The following DCAF17 variants were observed in gnomAD, a reference collection of about 807,000 sequenced individuals.
The protein encoded by DCAF17 is DDB1 and CUL4 associated factor 17, also known as DDB1- and CUL4-associated factor 17.
Under a neutral mutation model 66.0 loss-of-function variants are expected in DCAF17, and 48 were observed. The observed-to-expected ratio is 0.73, with a 90% CI of 0.58 to 0.92. The LOEUF (loss-of-function observed/expected upper bound fraction) is 0.92, where lower values mean the gene tolerates loss of function less well. Ranked by LOEUF, DCAF17 falls within the 40% of genes least tolerant of loss-of-function variation. DCAF17 has a pLI of 0.00. For synonymous variants in DCAF17, 206 were observed against 214.6 expected (o/e 0.96, Z 0.35); for missense variants, 562 against 622.8 (o/e 0.90, Z 1.04).
intron 10 of DCAF17, among the ~76,000 whole-genome samples, chr2:171,475,170 G>A (rs1318989311): frequency 6.6e-6 from 1 of 152,026 alleles, no homozygotes; most frequent in Non-Finnish European, 1.5e-5. Context: ...TCCCCTACCT[G>A]TTCTGCCTAA....
intron 8 of DCAF17, among the ~76,000 whole-genome samples, chr2:171,462,327 TA>T (rs1407769311): frequency 6.6e-6 from 1 of 152,130 alleles, no homozygotes; most frequent in Non-Finnish European, 1.5e-5. Flanking sequence ...AATCATACTG[TA>T]ATGGGGCAAT....
At chr2:171,477,899 A>AAGTTTTACCAAATTTGTTAATAC in intron 11 of DCAF17, 88 bp from the exon 12 acceptor site, 1 of 1,104,130 alleles carries the variant, frequency 9.1e-7, no homozygotes, top group South Asian at 1.3e-5. Context: ...AAGGGTTGGT[A>AAGTTTTACCAAATTTGTTAATAC]AGTTTTACCA....
At chr2:171,449,837 A>G in intron 4 of DCAF17, 42 bp from the exon 5 acceptor site, 1 of 1,510,306 alleles carries the variant, frequency 6.6e-7, no homozygotes, top group Non-Finnish European at 9.2e-7. Flanking sequence ...AGTATAAGGA[A>G]ACTGACCCAA....
rs1696798705 is a variant in DCAF17 at position 171,482,804 on chromosome 2, T to TG, written c.*1695dup. ...GCTGAATTCCTGGCTGCTTTTTTGCTGGGGGTAGATGGTGGAATACTTCTG... is the reference window on the plus strand; with the variant it reads ...GCTGAATTCCTGGCTGCTTTTTTGCTGGGGGGTAGATGGTGGAATACTTCTG... On this transcript the variant is annotated 3_prime_UTR_variant, in exon 14 of 14. Coordinates refer to ENST00000375255, the MANE Select transcript of DCAF17 (RefSeq NM_025000.4). 2 of 453,760 alleles carry TG rather than the reference T, an allele frequency of 4.4e-6. No homozygotes were observed. The highest frequency in any genetic ancestry group is 8.8e-6 in the Non-Finnish European group (2 of 226,742). The allele number at this position is 453,760 out of a possible 1,614,324, so 28.1% of individuals were successfully genotyped here.
rs749706689 is a variant in DCAF17 at position 171,435,204 on chromosome 2, A to T, written c.230+18A>T. 4 of 1,573,594 alleles carry T rather than the reference A, an allele frequency of 2.5e-6. No homozygotes were observed. Among genetic ancestry groups the T allele is most frequent in the Non-Finnish European group, 3.5e-6 (4 of 1,143,474 alleles). ...GTCAGCAGGTAACTTTTTATTGATAATTTTGCTGTAATTCACCTCACTGTT... is the reference window on the plus strand; with the variant it reads ...GTCAGCAGGTAACTTTTTATTGATATTTTTGCTGTAATTCACCTCACTGTT... On this transcript the variant is annotated intron_variant, in intron 2 of 13. Coordinates refer to ENST00000375255, the MANE Select transcript of DCAF17 (RefSeq NM_025000.4).
At position 171,449,943 on chromosome 2, in the gene DCAF17, G is replaced by A. The variant is rs1694852125; in HGVS notation, c.523G>A (p.Ala175Thr). The change falls in exon 5 of 14, where the codon GCA (alanine) becomes ACA (threonine). Residue 175 changes from alanine (A) to threonine (T), a missense_variant. Coordinates refer to ENST00000375255, the MANE Select transcript of DCAF17 (RefSeq NM_025000.4). Reference protein sequence around the residue: ...AVKSAQNRGSAVARQAGIQQH... With the variant: ...AVKSAQNRGSTVARQAGIQQH... ...TAAGTCAGCTCAGAACAGAGGCTCAGCAGTGGCCCGGCAGGTATACATATT... is the reference window on the plus strand; with the variant it reads ...TAAGTCAGCTCAGAACAGAGGCTCAACAGTGGCCCGGCAGGTATACATATT... 6.2e-7 allele frequency: 1 copy of A among 1,613,578 alleles called. No individual in the cohort carries two copies. Among genetic ancestry groups the A allele is most frequent in the African/African-American group, 1.3e-5 (1 of 75,020 alleles).
At chr2:171,447,956 A>G (rs935174198) in intron 3 of DCAF17, among the ~76,000 whole-genome samples, 2 of 152,196 alleles carry the variant, frequency 1.3e-5, no homozygotes. Flanking sequence ...CTTTCAAACC[A>G]GGTCCATTTT....
rs1161320905 is a variant in DCAF17, at chr2:171,468,968, A to G, written c.919A>G (p.Thr307Ala). ...AGGCCATCCTTGGCACTACATCGTC[A>G]CACCTAATAAGAAGAAACAGAAAGG... ...IGGHPWHYIVTPNKKKQKGVF... is the reference protein window; with the variant it reads ...IGGHPWHYIVAPNKKKQKGVF... The change falls in exon 9 of 14, where the codon ACA (threonine) becomes GCA (alanine). Residue 307 changes from threonine (T) to alanine (A), a missense_variant. By Grantham distance (58) the Thr-to-Ala change is moderately conservative. Coordinates refer to ENST00000375255, the MANE Select transcript of DCAF17 (RefSeq NM_025000.4). The G allele has an allele frequency of 6.2e-7, 1 of 1,614,000 alleles. No homozygotes were observed. Among genetic ancestry groups the G allele is most frequent in the Non-Finnish European group, 8.5e-7 (1 of 1,180,002 alleles).
intron 5 of DCAF17, among the ~76,000 whole-genome samples, chr2:171,452,616 G>A (rs1695019524): frequency 6.6e-6 from 1 of 152,060 alleles, no homozygotes. Flanking sequence ...ACCATGTCCA[G>A]CTAATTTTTT....
intron 6 of DCAF17, among the ~76,000 whole-genome samples, chr2:171,456,084 G>A (rs1156237150): frequency 6.6e-6 from 1 of 152,086 alleles, no homozygotes; most frequent in East Asian, 1.9e-4. Context: ...TGAAATCTTT[G>A]CCCATGCCTA....
intron 8 of DCAF17, among the ~76,000 whole-genome samples, chr2:171,467,585 T>G (rs1421777922): frequency 6.6e-6 from 1 of 151,788 alleles, no homozygotes; most frequent in African/African-American, 2.4e-5. Flanking sequence ...GGTGTAATAC[T>G]TAGGAGGTTG....
chr2:171,474,840 G>C (rs1295961503), intron 10 of DCAF17, among the ~76,000 whole-genome samples: 1 of 152,034 alleles, frequency 6.6e-6, no homozygotes. Flanking sequence ...TTCTGCCCTT[G>C]GCCACTGTCT....
In DCAF17 at chr2:171,468,948, A is replaced by G; in HGVS notation, c.899A>G (p.His300Arg). The change falls in exon 9 of 14, where the codon CAT becomes CGT. Residue 300 changes from histidine (H) to arginine (R), a missense_variant. Transcript: ENST00000375255. Reference sequence around the variant, plus strand: ...GAGAATGCTTTTCAGATTGGAGGCCATCCTTGGCACTACATCGTCACACCT... The same window carrying G: ...GAGAATGCTTTTCAGATTGGAGGCCGTCCTTGGCACTACATCGTCACACCT... ...SLENAFQIGG[H>R]PWHYIVTPNK... 6.2e-7 allele frequency: 1 copy of G among 1,614,138 alleles called. No homozygotes were observed. Among genetic ancestry groups the G allele is most frequent in the Non-Finnish European group, 8.5e-7 (1 of 1,179,998 alleles).
intron 8 of DCAF17, among the ~76,000 whole-genome samples, chr2:171,461,891 T>C (rs1409351934): frequency 6.6e-6 from 1 of 152,240 alleles, no homozygotes. Context: ...TCTGGAGTTT[T>C]ATATTAATGA....
intron 3 of DCAF17, among the ~76,000 whole-genome samples, chr2:171,447,761 C>G (rs1694719248): frequency 6.6e-6 from 1 of 152,230 alleles, no homozygotes; most frequent in African/African-American, 2.4e-5. Context: ...CTCACTCTCT[C>G]AAAGTGCTGG....
At chr2:171,474,286 CTT>C (rs1231182788) in intron 10 of DCAF17, 1 of 351,322 alleles carries the variant, frequency 2.8e-6, no homozygotes, top group East Asian at 6.7e-5. Context: ...GAGTATTTGT[CTT>C]TGTTCTGAAA....
rs879637626 is a variant in DCAF17, at chr2:171,482,546, A to G, written c.*1432A>G. On this transcript the variant is annotated 3_prime_UTR_variant, in exon 14 of 14. Transcript: ENST00000375255. ...TAAGAGGCCAGTGAAAGTACTAAAG[A>G]AAGAAACCAATGTTGTGTGAGTTTC... 8 of 454,008 alleles carry G rather than the reference A, an allele frequency of 1.8e-5. No individual in the cohort carries two copies. The highest frequency in any genetic ancestry group is 3.5e-5 in the Non-Finnish European group (8 of 226,798). 28.1% of individuals were successfully genotyped at this position (454,008 alleles called of 1,614,324 possible). A position where few individuals can be genotyped will look rare whatever the true frequency, so the allele number is the denominator to read the frequency against.
Position 171,481,080 on chromosome 2 carries a change from G to C in DCAF17, c.1529G>C (p.Gly510Ala). 1 of 1,613,672 alleles carries C rather than the reference G, an allele frequency of 6.2e-7. No homozygotes were observed. Among genetic ancestry groups the C allele is most frequent in the Non-Finnish European group, 8.5e-7 (1 of 1,179,684 alleles). ...GTTTACCAGATGATATGTGACACTG[G>C]GGAAGAAGAAGAAACCATAAACAGA... ...CYVYQMICDT[G>A]EEEETINRSC Residue 510 changes from glycine to alanine, a missense_variant, in exon 14 of 14, where the codon GGG becomes GCG. Gly to Ala is a moderately conservative substitution (Grantham distance 60). Around this residue, in one of 3 missense-constraint regions of DCAF17, gnomAD observed 201 missense variants for 231.1 expected, o/e 0.87. Coordinates refer to ENST00000375255, the MANE Select transcript of DCAF17 (RefSeq NM_025000.4).
Position 171,484,962 on chromosome 2 carries a change from TG to T in DCAF17, c.*3849del, listed in dbSNP as rs1411706030. ...TCTTTCGTATGAATATATCACAGTT[TG>T]TTTTTTTATCTTTCTGTTGATGGAC... On this transcript the variant is annotated 3_prime_UTR_variant, in exon 14 of 14. Coordinates refer to ENST00000375255, the MANE Select transcript of DCAF17 (RefSeq NM_025000.4). 1.8e-5 allele frequency: 8 copies of T among 454,002 alleles called. No individual in the cohort carries two copies. Among genetic ancestry groups the T allele is most frequent in the Admixed American group, 9.4e-5 (4 of 42,562 alleles). 28.1% of individuals were successfully genotyped at this position (454,002 alleles called of 1,614,324 possible).
Sources: allele counts gnomAD v4.1 joint callset (sites outside exome capture counted in the v4.1 genomes callset), GRCh38; gene constraint gnomAD v4.1.1; regional missense constraint gnomAD v4.1.1; transcripts MANE v1.5; gene names NCBI Gene and HGNC (gene_info 2026-07-23, HGNC 2026-07-21).